Variants in AHI1 observed in about 807,000 individuals in gnomAD.
AHI1 encodes the protein jouberin.
In AHI1, 123 loss-of-function variants were observed where a neutral mutation model predicts 149.3. That is an observed-to-expected ratio of 0.82 (90% CI 0.71 to 0.96). The LOEUF is 0.96. Ranked by LOEUF, AHI1 falls within the 40% of genes least tolerant of loss-of-function variation. The probability of loss-of-function intolerance (pLI) is 0.00; values close to 1 mark genes in which losing one functional copy is unlikely to be tolerated. For synonymous variants in AHI1, 475 were observed against 459.8 expected (o/e 1.03, Z -0.42); for missense variants, 1,439 against 1,422.7 (o/e 1.01, Z -0.18).
intron 23 of AHI1, among the ~76,000 whole-genome samples, chr6:135,391,717 T>C (rs1437532382): frequency 2.6e-5 from 4 of 151,788 alleles, no homozygotes; most frequent in African/African-American, 7.2e-5. Flanking sequence ...CTAAGTATTG[T>C]TAAAAAAAAA....
rs1032402304 is a variant in AHI1 at position 135,364,909 on chromosome 6, GAGAGGA to G, written c.3110-6728_3110-6723del. Among the ~76,000 whole-genome samples, 74 of 150,042 alleles carry G rather than the reference GAGAGGA, an allele frequency of 4.9e-4. No individual in the cohort carries two copies. In the East Asian group the frequency reaches 5.3e-3, roughly 11 times the overall value. ...AAGAGAGGGAGAGGGAGACCGTGGGGAGAGGAAGAGGAAGAGGGAGAGGGAGAGGGA... is the reference window on the plus strand; with the variant it reads ...AAGAGAGGGAGAGGGAGACCGTGGGGAGAGGAAGAGGGAGAGGGAGAGGGA... On this transcript the variant is annotated intron_variant, in intron 23 of 28. Transcript: ENST00000265602.
chr6:135,439,468 G>A (rs1785925457), intron 14 of AHI1, among the ~76,000 whole-genome samples: 1 of 152,104 alleles, frequency 6.6e-6, no homozygotes, highest in Admixed American at 6.6e-5. Flanking sequence ...ACGGTCACAA[G>A]GTGCAAGAGT....
At chr6:135,411,790 G>C (rs1055042499) in intron 20 of AHI1, among the ~76,000 whole-genome samples, 2 of 152,052 alleles carry the variant, frequency 1.3e-5, no homozygotes, top group Non-Finnish European at 2.9e-5. Context: ...TGGGATGGGA[G>C]ACTAACTTTA....
chr6:135,397,315 A>G (rs1020354011), intron 22 of AHI1, among the ~76,000 whole-genome samples: 1 of 151,962 alleles, frequency 6.6e-6, no homozygotes, highest in African/African-American at 2.4e-5. Flanking sequence ...TTTTTGAAAT[A>G]TGTGCTGCGG....
rs141554300 is a variant in AHI1, at chr6:135,348,156, CAT to C, written c.3165+9974_3165+9975del. On this transcript the variant is annotated intron_variant, in intron 24 of 28. Transcript: ENST00000265602. ...AAGAAGATGAAACTTGGTGAACTCA[CAT>C]GTTTATCACGGTAAAAAAACAATCT... 4.1e-3 allele frequency among the ~76,000 whole-genome samples: 621 copies of C among 152,210 alleles called. 1 individual carries two copies. The highest frequency in any genetic ancestry group is 0.014 in the African/African-American group (597 of 41,524).
In AHI1 at chr6:135,491,529, T is replaced by C. The variant is rs1219949418; in HGVS notation, c.10+699A>G. ...TCATCTAATTTTCCCTTTTCTCACA[T>C]AGCAGGTTGTTCTCTTCCTTCACAG... On this transcript the variant is annotated intron_variant, in intron 4 of 28. Transcript: ENST00000265602. Among the ~76,000 whole-genome samples, 4 of 152,204 alleles carry C rather than the reference T, an allele frequency of 2.6e-5. No individual in the cohort carries two copies. The South Asian group carries it at 6.2e-4, about 24-fold the overall frequency.
chr6:135,494,209 A>C (rs1795658298), intron 3 of AHI1, among the ~76,000 whole-genome samples: 1 of 152,208 alleles, frequency 6.6e-6, no homozygotes, highest in Admixed American at 6.5e-5. Flanking sequence ...CACTTGCGTG[A>C]CTTTTGTTTC....
intron 27 of AHI1, 71 bp from the exon 28 acceptor site, chr6:135,290,596 TGA>T: frequency 6.5e-7 from 1 of 1,532,052 alleles, no homozygotes; most frequent in Admixed American, 1.7e-5. Context: ...GATGAGGCTT[TGA>T]TCTAGGGCCG....
chr6:135,356,263 T>C (rs1416487998), intron 24 of AHI1, among the ~76,000 whole-genome samples: 1 of 152,230 alleles, frequency 6.6e-6, no homozygotes, highest in Non-Finnish European at 1.5e-5. Context: ...GCTACAAATA[T>C]TCCACTTTGA....
Position 135,463,129 on chromosome 6 carries a change from T to C in AHI1, c.927A>G (p.Lys309=), listed in dbSNP as rs756954384. 6.3e-7 allele frequency: 1 copy of C among 1,577,062 alleles called. No homozygotes were observed. The highest frequency in any genetic ancestry group is 1.2e-5 in the South Asian group (1 of 82,346). The part of the protein sequence containing the change: ...PKPKKTKKKT[K]AVADNNEDVD... ...CATTTAATTTGTATAGCAAACCTGC[T>C]TTAGTCTTCTTTTTTGTTTTTTTTG... The change falls in exon 8 of 29, where the codon AAA becomes AAG. Residue 309 remains lysine (K), a synonymous_variant. Coordinates refer to ENST00000265602, the MANE Select transcript of AHI1 (RefSeq NM_001134831.2).
At chr6:135,470,620 G>A (rs1583401392) in intron 5 of AHI1, among the ~76,000 whole-genome samples, 1 of 152,098 alleles carries the variant, frequency 6.6e-6, no homozygotes, top group Non-Finnish European at 1.5e-5. Context: ...ATATACCAAT[G>A]AATACTAGGC....
intron 23 of AHI1, chr6:135,387,890 C>A: frequency 6.4e-7 from 1 of 1,565,268 alleles, no homozygotes; most frequent in Admixed American, 1.9e-5. Context: ...AGACATTTAT[C>A]CGAAGAGAGA....
At chr6:135,307,829 A>C (rs1336504387) in intron 26 of AHI1, among the ~76,000 whole-genome samples, 1 of 152,112 alleles carries the variant, frequency 6.6e-6, no homozygotes, top group Non-Finnish European at 1.5e-5. Context: ...CCCTGGGGAA[A>C]TCTGGCCGTG....
At chr6:135,490,492 TG>T (rs1795101943) in intron 5 of AHI1, 130 bp downstream of exon 5, 1 of 1,062,502 alleles carries the variant, frequency 9.4e-7, no homozygotes, top group African/African-American at 1.6e-5. Context: ...TTTTACCACA[TG>T]TTATTGACCA....
At position 135,396,367 on chromosome 6, in the gene AHI1, A is replaced by G. The variant is rs75388381; in HGVS notation, c.2989-1471T>C. Reference sequence around the variant, plus strand: ...TCTTTAAATGGAGATAAGAAAAATAATATCTATACTTCAATGCGAATGTGC... The same window carrying G: ...TCTTTAAATGGAGATAAGAAAAATAGTATCTATACTTCAATGCGAATGTGC... On this transcript the variant is annotated intron_variant, in intron 22 of 28. Coordinates refer to ENST00000265602, the MANE Select transcript of AHI1 (RefSeq NM_001134831.2). Among the ~76,000 whole-genome samples the G allele has an allele frequency of 1.4e-4, 21 of 151,928 alleles. No homozygotes were observed. In the East Asian group the frequency reaches 3.7e-3, roughly 26 times the overall value.
rs1562659443 is a variant in AHI1 at position 135,394,818 on chromosome 6, T to G, written c.3067A>C (p.Thr1023Pro). 1 of 1,609,368 alleles carries G rather than the reference T, an allele frequency of 6.2e-7. No homozygotes were observed. ...AACTGATGTAGAATCTCTTGAGCGG[T>G]CAGCATGTTTGACTGCTTTAACTTA... Reference protein sequence around the residue: ...QSKLKQSNMLTAQEILHQFGF... With the variant: ...QSKLKQSNMLPAQEILHQFGF... Residue 1023 changes from threonine to proline, a missense_variant, in exon 23 of 29, where the codon ACC (threonine) becomes CCC (proline). Thr to Pro is a conservative substitution (Grantham distance 38). Coordinates refer to ENST00000265602, the MANE Select transcript of AHI1 (RefSeq NM_001134831.2).
chr6:135,377,123 A>G (rs1024193770), intron 23 of AHI1, among the ~76,000 whole-genome samples: 20 of 152,100 alleles, frequency 1.3e-4, no homozygotes, highest in Non-Finnish European at 2.5e-4. Context: ...TTAGATTAGA[A>G]TCTTGGTTAT....
chr6:135,493,234 T>C lies in AHI1; in HGVS notation c.-54-943A>G, dbSNP rs1381733786. On this transcript the variant is annotated intron_variant, in intron 3 of 28. Coordinates refer to ENST00000265602, the MANE Select transcript of AHI1 (RefSeq NM_001134831.2). ...GGCTGGTCTTGAACTCCTGACCTCATATGATCTGCCCGACTCAGCCTCCCA... is the reference window on the plus strand; with the variant it reads ...GGCTGGTCTTGAACTCCTGACCTCACATGATCTGCCCGACTCAGCCTCCCA... Among the ~76,000 whole-genome samples the C allele has an allele frequency of 3.3e-5, 5 of 152,048 alleles. No individual in the cohort carries two copies. In the East Asian group the frequency reaches 9.7e-4, roughly 29 times the overall value.
rs1191496209 is a variant in AHI1, at chr6:135,463,396, G to A, written c.750-90C>T. On this transcript the variant is annotated intron_variant, in intron 7 of 28. Transcript: ENST00000265602. Reference sequence around the variant, plus strand: ...GCAACAGAGTGAACAGTAAATAGGAGCAAAGATAATCCTAAAATCACTATT... The same window carrying A: ...GCAACAGAGTGAACAGTAAATAGGAACAAAGATAATCCTAAAATCACTATT... 3.2e-5 allele frequency: 34 copies of A among 1,066,244 alleles called. 1 individual carries two copies. Among genetic ancestry groups the A allele is most frequent in the Non-Finnish European group, 4.0e-5 (31 of 766,916 alleles). 66.0% of individuals were successfully genotyped at this position (1,066,244 alleles called of 1,614,324 possible).
Sources: gnomAD v4.1 joint callset for allele counts (sites outside exome capture counted in the v4.1 genomes callset) on GRCh38, gnomAD v4.1.1 for gene constraint, MANE v1.5 for transcripts, NCBI Gene and HGNC (gene_info 2026-07-23, HGNC 2026-07-21) for gene names.